Variants in OLA1 observed in about 807,000 individuals in gnomAD.
OLA1 encodes obg-like ATPase 1.
In OLA1, 14 loss-of-function variants were observed where a neutral mutation model predicts 48.4. The observed-to-expected ratio is 0.29, with a 90% CI of 0.19 to 0.45. The LOEUF is 0.45. Ranked by LOEUF, OLA1 falls within the 20% of genes least tolerant of loss-of-function variation. The probability of loss-of-function intolerance (pLI) is 1.00; values close to 1 mark genes in which losing one functional copy is unlikely to be tolerated. For missense variants in OLA1, 325 were observed against 467.1 expected, an observed-to-expected ratio of 0.70 and a Z score of 2.80; for synonymous variants, 127 against 150.4, an observed-to-expected ratio of 0.84 and a Z score of 1.14.
At chr2:174,180,567 T>C (rs1459228785) in intron 4 of OLA1, among the ~76,000 whole-genome samples, 1 of 152,206 alleles carries the variant, frequency 6.6e-6, no homozygotes, top group Non-Finnish European at 1.5e-5. Flanking sequence ...CAGGATGCAG[T>C]ATAATGGCTA....
chr2:174,229,152 G>A lies in OLA1; in HGVS notation c.245+156C>T, dbSNP rs149545155. 1.4e-3 allele frequency among the ~76,000 whole-genome samples: 213 copies of A among 152,328 alleles called. 5 individuals carry two copies. The East Asian group carries it at 0.038, about 27-fold the overall frequency. On this transcript the variant is annotated intron_variant, in intron 3 of 10. Coordinates refer to ENST00000284719, the MANE Select transcript of OLA1 (RefSeq NM_013341.5). ...GCCTCCCAAAGTGCTGAGATTACAG[G>A]TGTGAGCCACCGCACCCAGCCCTCT... is the stretch of plus-strand genomic sequence containing the variant.
rs942469680 is a variant in OLA1, at chr2:174,163,739, T to A, written c.374-21739A>T. 7.2e-4 allele frequency among the ~76,000 whole-genome samples: 20 copies of A among 27,626 alleles called. 1 individual carries two copies. Among genetic ancestry groups the A allele is most frequent in the Admixed American group, 2.1e-3 (6 of 2,830 alleles). The allele number at this position is 27,626 out of a possible 152,430, so 18.1% of individuals were successfully genotyped here. Reference sequence around the variant, plus strand: ...ATATATATATATATATATATATATATATATATATATATATATATATATATA... The same window carrying A: ...ATATATATATATATATATATATATAAATATATATATATATATATATATATA... On this transcript the variant is annotated intron_variant, in intron 4 of 10. Transcript: ENST00000284719.
intron 4 of OLA1, among the ~76,000 whole-genome samples, chr2:174,195,415 C>A (rs1331272973): frequency 1.3e-5 from 2 of 152,138 alleles, no homozygotes; most frequent in African/African-American, 4.8e-5. Flanking sequence ...TGATTAGAGA[C>A]TTCAACAACA....
chr2:174,169,242 G>A (rs1687242538), intron 4 of OLA1, among the ~76,000 whole-genome samples: 1 of 152,072 alleles, frequency 6.6e-6, no homozygotes, highest in Admixed American at 6.6e-5. Flanking sequence ...ACTGCACCCA[G>A]CCCCAACATG....
Position 174,125,753 on chromosome 2 carries a change from CA to C in OLA1, c.550-2079del. Among the ~76,000 whole-genome samples the C allele has an allele frequency of 1.3e-5, 2 of 152,220 alleles. 1 individual carries two copies. Among genetic ancestry groups the C allele is most frequent in the South Asian group, 4.1e-4 (2 of 4,826 alleles). On this transcript the variant is annotated intron_variant, in intron 5 of 10. Transcript: ENST00000284719. ...TTGGCATTTGCTTTTTCTCACATTA[CA>C]AATTACATTACAAATTAGAAGCACT...
intron 4 of OLA1, among the ~76,000 whole-genome samples, chr2:174,165,958 C>T (rs1213419592): frequency 6.6e-6 from 1 of 151,868 alleles, no homozygotes; most frequent in African/African-American, 2.4e-5. Flanking sequence ...CCCATCTCCA[C>T]CAAAAAATAC....
chr2:174,098,741 A>T (rs1206947056), intron 7 of OLA1, among the ~76,000 whole-genome samples: 1 of 152,176 alleles, frequency 6.6e-6, no homozygotes, highest in Non-Finnish European at 1.5e-5. Flanking sequence ...TTAAATAAGG[A>T]CGTACACAGA....
intron 7 of OLA1, among the ~76,000 whole-genome samples, chr2:174,093,225 T>C (rs1310889077): frequency 6.6e-6 from 1 of 152,170 alleles, no homozygotes; most frequent in Non-Finnish European, 1.5e-5. Flanking sequence ...GGTGGGAAGA[T>C]GGCTTGGGCC....
intron 2 of OLA1, among the ~76,000 whole-genome samples, chr2:174,239,714 CAAAAAAAAAAAA>C (rs35332033): frequency 1.6e-5 from 1 of 60,632 alleles, no homozygotes; most frequent in Non-Finnish European, 2.9e-5. Flanking sequence ...CCCATCTCTA[CAAAAAAAAAAAA>C]AAAAAAAAAA....
chr2:174,226,623 C>T (rs1442084200), intron 3 of OLA1, among the ~76,000 whole-genome samples: 2 of 152,088 alleles, frequency 1.3e-5, no homozygotes, highest in East Asian at 3.9e-4. Flanking sequence ...CCTCAGCCTC[C>T]TGAGTAGCTG....
intron 3 of OLA1, among the ~76,000 whole-genome samples, chr2:174,226,480 CT>C (rs1203429636): frequency 4.2e-4 from 61 of 144,858 alleles, no homozygotes; most frequent in Admixed American, 3.5e-4. Context: ...TATTAATGTT[CT>C]TTTTTTTTTT....
At chr2:174,194,171 G>C (rs1020116890) in intron 4 of OLA1, among the ~76,000 whole-genome samples, 7 of 152,262 alleles carry the variant, frequency 4.6e-5, no homozygotes, top group Non-Finnish European at 1.0e-4. Context: ...CTCGTCCCCA[G>C]GGTGTGTGCC....
In OLA1 at chr2:174,114,034, G is replaced by T. The variant is rs1685717411; in HGVS notation, c.728+9146C>A. Among the ~76,000 whole-genome samples, 5 of 151,856 alleles carry T rather than the reference G, an allele frequency of 3.3e-5. No homozygotes were observed. The South Asian group carries it at 1.0e-3, about 32-fold the overall frequency. ...ATGTATGTCTTTTAGTTTGGTATAA[G>T]AAAAGCTAAATCGGCCGGGCGCGGT... is the stretch of plus-strand genomic sequence containing the variant. On this transcript the variant is annotated intron_variant, in intron 7 of 10. Coordinates refer to ENST00000284719, the MANE Select transcript of OLA1 (RefSeq NM_013341.5).
intron 4 of OLA1, among the ~76,000 whole-genome samples, chr2:174,157,612 G>C (rs1367125149): frequency 6.6e-6 from 1 of 152,080 alleles, no homozygotes; most frequent in African/African-American, 2.4e-5. Flanking sequence ...CATGGGACAG[G>C]TATTAATCAG....
intron 10 of OLA1, among the ~76,000 whole-genome samples, chr2:174,078,152 T>G (rs147756508): frequency 1.1e-4 from 16 of 151,988 alleles, no homozygotes; most frequent in Admixed American, 1.0e-3. Context: ...AAAGTAAACC[T>G]GAAATAAACT....
intron 4 of OLA1, among the ~76,000 whole-genome samples, chr2:174,142,638 T>C (rs978304054): frequency 6.6e-6 from 1 of 152,190 alleles, no homozygotes; most frequent in Non-Finnish European, 1.5e-5. Flanking sequence ...CATGCTATTA[T>C]CACATATTTA....
chr2:174,084,841 T>A (rs1234000462), intron 7 of OLA1, among the ~76,000 whole-genome samples: 1 of 152,206 alleles, frequency 6.6e-6, no homozygotes, highest in East Asian at 1.9e-4. Context: ...TATGTACAAA[T>A]GTTAGCAAAT....
Position 174,192,564 on chromosome 2 carries a change from T to A in OLA1, c.373+30469A>T, listed in dbSNP as rs891013659. ...TATAATATTTATTATCTAATCTTTA[T>A]ATAAAAAGTTTGCTGATTCTTATTT... On this transcript the variant is annotated intron_variant, in intron 4 of 10. Transcript: ENST00000284719. Among the ~76,000 whole-genome samples, 21 of 152,222 alleles carry A rather than the reference T, an allele frequency of 1.4e-4. 1 individual carries two copies. The highest frequency in any genetic ancestry group is 5.1e-4 in the African/African-American group (21 of 41,462).
chr2:174,247,787 T>C (rs1689159826), intron 1 of OLA1: 1 of 1,550,284 alleles, frequency 6.5e-7, no homozygotes, highest in Non-Finnish European at 8.7e-7. Context: ...TAATGGTAAA[T>C]TAATCGACGG....
Sources: allele counts gnomAD v4.1 joint callset (sites outside exome capture counted in the v4.1 genomes callset), GRCh38; gene constraint gnomAD v4.1.1; transcripts MANE v1.5; gene names NCBI Gene and HGNC (gene_info 2026-07-23, HGNC 2026-07-21).